The following CHRM2 variants were observed in gnomAD, a reference collection of about 807,000 sequenced individuals.
The protein encoded by CHRM2 is muscarinic acetylcholine receptor M2.
In CHRM2, 8 loss-of-function variants were observed where a neutral mutation model predicts 25.0. The observed-to-expected ratio is 0.32, with a 90% CI of 0.19 to 0.58. The LOEUF is 0.58. CHRM2 is among the 20% of genes least tolerant of loss of function. The probability of loss-of-function intolerance (pLI) is 0.88; values close to 1 mark genes in which losing one functional copy is unlikely to be tolerated. For synonymous variants in CHRM2, 202 were observed against 205.7 expected (o/e 0.98, Z 0.15); for missense variants, 440 against 567.1 (o/e 0.78, Z 2.28).
At chr7:136,935,411 T>C (rs1799356638) in intron 2 of CHRM2, among the ~76,000 whole-genome samples, 1 of 152,170 alleles carries the variant, frequency 6.6e-6, no homozygotes, top group South Asian at 2.1e-4. Flanking sequence ...TAGACGATCG[T>C]TTGAAATCAA....
intron 2 of CHRM2, among the ~76,000 whole-genome samples, chr7:136,876,953 C>T (rs909984996): frequency 6.6e-6 from 1 of 152,058 alleles, no homozygotes; most frequent in Non-Finnish European, 1.5e-5. Flanking sequence ...ATCTGAGACA[C>T]TTTATTCCTC....
rs1160759557 is a variant in CHRM2, at chr7:136,869,423, G to C, written c.-125+5G>C. The C allele has an allele frequency of 6.6e-6, 1 of 152,350 alleles. No individual in the cohort carries two copies. Among genetic ancestry groups the C allele is most frequent in the Non-Finnish European group, 1.5e-5 (1 of 68,226 alleles). The allele number at this position is 152,350 out of a possible 1,614,324, so 9.4% of individuals were successfully genotyped here. Reference sequence around the variant, plus strand: ...CTGGAGCGAAACCAGCGACAGGTAAGGGCCCCGCGCTGTGCAGCTCTCCGC... The same window carrying C: ...CTGGAGCGAAACCAGCGACAGGTAACGGCCCCGCGCTGTGCAGCTCTCCGC... On this transcript the variant is annotated splice_donor_5th_base_variant and intron_variant, in intron 2 of 3. Coordinates refer to ENST00000680005, the MANE Select transcript of CHRM2 (RefSeq NM_001006630.2). This position sits in a 1 kb window ranked among gnomAD's most constrained non-coding sequence, Gnocchi z 4.9.
intron 2 of CHRM2, among the ~76,000 whole-genome samples, chr7:136,909,814 T>C (rs1193834339): frequency 1.3e-5 from 2 of 151,952 alleles, no homozygotes; most frequent in Admixed American, 1.3e-4. Flanking sequence ...TATATAAATA[T>C]GCATAAAAAT....
rs769865494 is a variant in CHRM2, at chr7:137,015,919, C to A, written c.1054C>A (p.Gln352Lys). Residue 352 changes from glutamine to lysine, a missense_variant, in exon 4 of 4, where the codon CAG becomes AAG. By Grantham distance (53) the Gln-to-Lys change is moderately conservative. Coordinates refer to ENST00000680005, the MANE Select transcript of CHRM2 (RefSeq NM_001006630.2). This position sits in a 1 kb window ranked among gnomAD's most constrained non-coding sequence, Gnocchi z 5.1. ...CGTGGAGGTAGTGGGGTCTTCAGGT[C>A]AGAATGGAGATGAAAAGCAGAATAT... Reference protein sequence around the residue: ...TTVEVVGSSGQNGDEKQNIVA... With the variant: ...TTVEVVGSSGKNGDEKQNIVA... The A allele has an allele frequency of 6.2e-7, 1 of 1,613,034 alleles. No homozygotes were observed. Among genetic ancestry groups the A allele is most frequent in the Admixed American group, 1.7e-5 (1 of 59,898 alleles).
At chr7:136,984,724 C>T (rs1262865575) in intron 2 of CHRM2, among the ~76,000 whole-genome samples, 2 of 152,078 alleles carry the variant, frequency 1.3e-5, no homozygotes, top group Non-Finnish European at 2.9e-5. Context: ...CTTGCACTTC[C>T]TGGGTGAGGC....
intron 2 of CHRM2, among the ~76,000 whole-genome samples, chr7:136,930,201 C>A (rs560041094): frequency 7.9e-5 from 12 of 151,586 alleles, no homozygotes; most frequent in African/African-American, 2.9e-4. Context: ...GGGAAGCCGA[C>A]GTGGGCAGAT....
intron 2 of CHRM2, among the ~76,000 whole-genome samples, chr7:136,906,195 GTA>G (rs113433622): frequency 8.7e-5 from 13 of 148,892 alleles, no homozygotes; most frequent in East Asian, 4.0e-4. Context: ...ATGTATATAC[GTA>G]TATATATATA....
intron 2 of CHRM2, among the ~76,000 whole-genome samples, chr7:136,896,054 A>G (rs1032545509): frequency 2.6e-5 from 4 of 152,196 alleles, no homozygotes; most frequent in African/African-American, 7.2e-5. Context: ...TTTTATTTGC[A>G]TATAATGCAA....
intron 2 of CHRM2, among the ~76,000 whole-genome samples, chr7:136,910,197 T>C (rs1315284272): frequency 6.6e-6 from 1 of 151,946 alleles, no homozygotes; most frequent in Non-Finnish European, 1.5e-5. Flanking sequence ...ATTTAATATT[T>C]AATGCATTGC....
chr7:136,904,437 A>C (rs576104027), intron 2 of CHRM2, among the ~76,000 whole-genome samples: 6 of 151,940 alleles, frequency 3.9e-5, no homozygotes, highest in Non-Finnish European at 8.8e-5. Context: ...TTTATCAAAT[A>C]ATTGTGCATA....
intron 2 of CHRM2, among the ~76,000 whole-genome samples, chr7:136,964,326 T>C (rs553374599): frequency 1.3e-5 from 2 of 152,294 alleles, no homozygotes; most frequent in East Asian, 3.9e-4. Flanking sequence ...CTTGTTCTCA[T>C]GCAGATAACT....
rs139037603 is a variant in CHRM2, at chr7:137,015,896, T to C, written c.1031T>C (p.Val344Ala). The C allele has an allele frequency of 1.9e-5, 31 of 1,612,964 alleles. No individual in the cohort carries two copies. Among genetic ancestry groups the C allele is most frequent in the Non-Finnish European group, 2.5e-5 (29 of 1,179,416 alleles). ...SDSCTPTNTTVEVVGSSGQNG... is the reference protein window; with the variant it reads ...SDSCTPTNTTAEVVGSSGQNG... ...TCATGTACCCCAACTAATACCACCG[T>C]GGAGGTAGTGGGGTCTTCAGGTCAG... is the stretch of plus-strand genomic sequence containing the variant. Residue 344 changes from valine (V) to alanine (A), a missense_variant, in exon 4 of 4, where the codon GTG becomes GCG. Val to Ala is a moderately conservative substitution (Grantham distance 64). Transcript: ENST00000680005. This position sits in a 1 kb window ranked among gnomAD's most constrained non-coding sequence, Gnocchi z 5.1.
At position 136,912,579 on chromosome 7, in the gene CHRM2, T is replaced by A. The variant is rs1234842849; in HGVS notation, c.-125+43161T>A. Among the ~76,000 whole-genome samples the A allele has an allele frequency of 3.9e-5, 6 of 151,970 alleles. No individual in the cohort carries two copies. In the South Asian group the frequency reaches 6.2e-4, roughly 16 times the overall value. On this transcript the variant is annotated intron_variant, in intron 2 of 3. Transcript: ENST00000680005. ...TCGTCAGGACATGTAAAAGGCCTCC[T>A]CTTTCTTATCTTATCAATGGGTAGC...
rs1383738640 is a variant in CHRM2, at chr7:137,015,322, A to G, written c.457A>G (p.Ile153Val). ...TGCAGCTGCCTGGGTCCTCTCTTTC[A>G]TCCTCTGGGCTCCAGCCATTCTCTT... ...MIAAAWVLSF[I>V]LWAPAILFWQ... The change falls in exon 4 of 4, where the codon ATC becomes GTC. Residue 153 changes from isoleucine to valine, a missense_variant. Around this residue, in one of 5 missense-constraint regions of CHRM2, gnomAD observed 27 missense variants for 55.5 expected, o/e 0.49. Coordinates refer to ENST00000680005, the MANE Select transcript of CHRM2 (RefSeq NM_001006630.2). This position sits in a 1 kb window ranked among gnomAD's most constrained non-coding sequence, Gnocchi z 5.1. 4 of 1,613,174 alleles carry G rather than the reference A, an allele frequency of 2.5e-6. No homozygotes were observed. The highest frequency in any genetic ancestry group is 3.4e-6 in the Non-Finnish European group (4 of 1,179,626).
At chr7:136,980,493 G>C (rs1035903904) in intron 2 of CHRM2, among the ~76,000 whole-genome samples, 1 of 152,174 alleles carries the variant, frequency 6.6e-6, no homozygotes, top group Non-Finnish European at 1.5e-5. Context: ...AAATAGGAGT[G>C]GTGAGAGAGG....
At chr7:136,879,521 A>G (rs1412179842) in intron 2 of CHRM2, among the ~76,000 whole-genome samples, 2 of 151,970 alleles carry the variant, frequency 1.3e-5, no homozygotes, top group Admixed American at 6.6e-5. Context: ...AAATGATAAT[A>G]CCAGCTAATT....
intron 2 of CHRM2, among the ~76,000 whole-genome samples, chr7:136,942,318 C>T (rs894214414): frequency 2.0e-5 from 3 of 152,114 alleles, no homozygotes; most frequent in African/African-American, 7.2e-5. Flanking sequence ...TTCTTAACTT[C>T]TTTATATACT....
At chr7:136,964,637 A>G (rs1478290843) in intron 2 of CHRM2, among the ~76,000 whole-genome samples, 1 of 152,156 alleles carries the variant, frequency 6.6e-6, no homozygotes, top group Non-Finnish European at 1.5e-5. Flanking sequence ...GAAGCTGCAA[A>G]GTTTAAGACA....
chr7:136,957,767 A>C (rs1346117860), intron 2 of CHRM2, among the ~76,000 whole-genome samples: 1 of 152,248 alleles, frequency 6.6e-6, no homozygotes, highest in East Asian at 1.9e-4. Flanking sequence ...CAAATTTTAA[A>C]TATTATGACA....
Sources: allele counts gnomAD v4.1 joint callset (sites outside exome capture counted in the v4.1 genomes callset), GRCh38; gene constraint gnomAD v4.1.1; regional missense constraint gnomAD v4.1.1; non-coding constraint Gnocchi (gnomAD v3.1); transcripts MANE v1.5; gene names NCBI Gene and HGNC (gene_info 2026-07-23, HGNC 2026-07-21).